The following TAFA2 variants were observed in gnomAD, a reference collection of about 807,000 sequenced individuals.
TAFA2 encodes the protein chemokine-like protein TAFA-2.
A neutral mutation model predicts 18.8 loss-of-function variants in TAFA2; 7 were observed. That is an observed-to-expected ratio of 0.37 (90% CI 0.21 to 0.70). TAFA2 has a LOEUF of 0.70. Among genes scored for constraint, TAFA2 ranks in the 30% least tolerant of loss-of-function variants. The pLI is 0.53. For missense variants in TAFA2, 122 were observed against 158.1 expected (o/e 0.77, Z 1.23); for synonymous variants, 60 against 54.2 (o/e 1.11, Z -0.47).
At chr12:61,850,143 T>C (rs761705971) in intron 2 of TAFA2, among the ~76,000 whole-genome samples, 3 of 151,772 alleles carry the variant, frequency 2.0e-5, no homozygotes, top group Admixed American at 1.3e-4. Flanking sequence ...TAAACCAATA[T>C]ATAGTATACC....
intron 1 of TAFA2, among the ~76,000 whole-genome samples, chr12:61,969,721 C>T (rs1040758412): frequency 4.6e-5 from 7 of 151,510 alleles, no homozygotes; most frequent in African/African-American, 1.7e-4. Context: ...TATAATAATA[C>T]AAAAGAAGGA....
At chr12:62,163,607 A>C (rs765194007) in intron 1 of TAFA2, among the ~76,000 whole-genome samples, 1 of 152,070 alleles carries the variant, frequency 6.6e-6, no homozygotes, top group African/African-American at 2.4e-5. Context: ...TGTCTTACCT[A>C]TTTAAAGATG....
intron 1 of TAFA2, among the ~76,000 whole-genome samples, chr12:61,999,684 C>A (rs1207820325): frequency 6.6e-6 from 1 of 152,104 alleles, no homozygotes; most frequent in Non-Finnish European, 1.5e-5. Context: ...AGTACTATAT[C>A]CCAGAATTGT....
chr12:61,785,319 TTGTGTGTGTGTGTGTG>T (rs57166010), intron 2 of TAFA2, among the ~76,000 whole-genome samples: 4 of 140,084 alleles, frequency 2.9e-5, no homozygotes, highest in African/African-American at 5.3e-5. Flanking sequence ...AATAGTATTC[TTGTGTGTGTGTGTGTG>T]TGTGTGTGTG....
chr12:61,912,930 T>C (rs573524137), intron 1 of TAFA2, among the ~76,000 whole-genome samples: 4 of 152,178 alleles, frequency 2.6e-5, no homozygotes, highest in African/African-American at 2.4e-5. Context: ...GTCTGGGTCA[T>C]AGAGTTAAAA....
At chr12:61,818,581 G>A (rs1003504565) in intron 2 of TAFA2, among the ~76,000 whole-genome samples, 2 of 151,638 alleles carry the variant, frequency 1.3e-5, no homozygotes, top group Admixed American at 6.6e-5. Context: ...CCCTCCAATG[G>A]AGCACCACTC....
intron 1 of TAFA2, among the ~76,000 whole-genome samples, chr12:62,248,012 T>C (rs569719990): frequency 3.3e-5 from 5 of 152,328 alleles, no homozygotes; most frequent in African/African-American, 1.2e-4. Flanking sequence ...TAAAATCTTG[T>C]TCTTGTGTCA....
chr12:61,844,239 T>G (rs1213902371), intron 2 of TAFA2, among the ~76,000 whole-genome samples: 1 of 152,108 alleles, frequency 6.6e-6, no homozygotes, highest in Non-Finnish European at 1.5e-5. Flanking sequence ...ACTTTGACAT[T>G]AAGTGGCAAA....
At chr12:61,998,135 A>C (rs1232150322) in intron 1 of TAFA2, among the ~76,000 whole-genome samples, 3 of 152,172 alleles carry the variant, frequency 2.0e-5, no homozygotes, top group Non-Finnish European at 2.9e-5. Context: ...AAAGAATTTA[A>C]GGAATAAGTC....
At chr12:61,951,136 A>T (rs1878450937) in intron 1 of TAFA2, among the ~76,000 whole-genome samples, 1 of 152,126 alleles carries the variant, frequency 6.6e-6, no homozygotes, top group Admixed American at 6.6e-5. Flanking sequence ...AGACCTAATA[A>T]AAAGAAAGTC....
intron 1 of TAFA2, among the ~76,000 whole-genome samples, chr12:62,255,476 C>A (rs753785973): frequency 8.5e-5 from 13 of 152,150 alleles, no homozygotes; most frequent in Non-Finnish European, 1.8e-4. Flanking sequence ...TATTCAGGAC[C>A]TGCAGAATAT....
At chr12:61,876,527 C>A (rs913759554) in intron 1 of TAFA2, among the ~76,000 whole-genome samples, 1 of 152,088 alleles carries the variant, frequency 6.6e-6, no homozygotes, top group East Asian at 1.9e-4. Context: ...AACAGCTTAA[C>A]CAGCAAACCA....
chr12:62,225,346 C>T (rs898220285), intron 1 of TAFA2, among the ~76,000 whole-genome samples: 3 of 152,028 alleles, frequency 2.0e-5, no homozygotes, highest in Admixed American at 2.0e-4. Flanking sequence ...CACTTTCCAC[C>T]TTATAACAAT....
intron 1 of TAFA2, among the ~76,000 whole-genome samples, chr12:62,027,115 AAGTATAAAATTAGAC>A (rs1425438876): frequency 6.6e-6 from 1 of 152,160 alleles, no homozygotes; most frequent in Non-Finnish European, 1.5e-5. Context: ...AGATATTTAT[AAGTATAAAATTAGAC>A]AAAGTCATTT....
At chr12:62,066,942 G>T (rs1008162314) in intron 1 of TAFA2, among the ~76,000 whole-genome samples, 6 of 151,898 alleles carry the variant, frequency 4.0e-5, no homozygotes, top group Non-Finnish European at 8.8e-5. Context: ...CAGTGTAGAG[G>T]GTTCCCTTTT....
chr12:61,724,790 T>TATATGTATATACACCAGATGG (rs1218348558), intron 4 of TAFA2, among the ~76,000 whole-genome samples: 2 of 79,658 alleles, frequency 2.5e-5, no homozygotes, highest in African/African-American at 1.0e-4. Context: ...TGTGTGTGTG[T>TATATGTATATACACCAGATGG]GTGTGTGTGT....
intron 1 of TAFA2, among the ~76,000 whole-genome samples, chr12:62,111,039 GT>G (rs1424006629): frequency 6.6e-6 from 1 of 151,884 alleles, no homozygotes; most frequent in Admixed American, 6.6e-5. Context: ...TTTTGTATTT[GT>G]TTTCTCTTGC....
At chr12:61,845,997 C>A (rs1264473056) in intron 2 of TAFA2, among the ~76,000 whole-genome samples, 1 of 152,042 alleles carries the variant, frequency 6.6e-6, no homozygotes, top group African/African-American at 2.4e-5. Context: ...ATAAAATAAG[C>A]TTTTATTCAG....
intron 1 of TAFA2, among the ~76,000 whole-genome samples, chr12:62,172,523 T>A (rs2062485053): frequency 6.6e-6 from 1 of 152,210 alleles, no homozygotes; most frequent in African/African-American, 2.4e-5. Flanking sequence ...CTCCAACAGT[T>A]GATTAGAAGA....
Sources: gnomAD v4.1 joint callset for allele counts (sites outside exome capture counted in the v4.1 genomes callset) on GRCh38, gnomAD v4.1.1 for gene constraint, MANE v1.5 for transcripts, NCBI Gene and HGNC (gene_info 2026-07-23, HGNC 2026-07-21) for gene names.